WDR48: variants seen among roughly 807,000 people sequenced by gnomAD.
WDR48 encodes WD repeat-containing protein 48.
In WDR48, 22 loss-of-function variants were observed where a neutral mutation model predicts 94.0. That is an observed-to-expected ratio of 0.23 (90% CI 0.17 to 0.33). The LOEUF is 0.33. Among genes scored for constraint, WDR48 ranks in the 10% least tolerant of loss-of-function variants. WDR48 has a pLI of 1.00. For synonymous variants in WDR48, 278 were observed against 280.5 expected (o/e 0.99, Z 0.09); for missense variants, 541 against 813.8 (o/e 0.66, Z 4.08).
chr3:39,078,107 A>T, intron 9 of WDR48, 30 bp from the exon 10 acceptor site: 1 of 1,532,530 alleles, frequency 6.5e-7, no homozygotes, highest in Middle Eastern at 1.7e-4. Flanking sequence ...AGAGCATAAC[A>T]TGATCAAATA....
intron 10 of WDR48, among the ~76,000 whole-genome samples, chr3:39,078,767 T>TCA (rs75311758): frequency 1 from 150,971 of 150,986 alleles, 75,478 homozygotes; most frequent in Middle Eastern, 1. Flanking sequence ...GCGCGGTGGC[T>TCA]CGCCTGTAAT....
At chr3:39,094,126 A>G in intron 18 of WDR48, 60 bp downstream of exon 18, 2 of 1,554,072 alleles carry the variant, frequency 1.3e-6, no homozygotes, top group Non-Finnish European at 8.6e-7. Context: ...ATAAAGAGTT[A>G]CATGCCTTTG....
chr3:39,087,805 G>C, intron 14 of WDR48: 1 of 177,680 alleles, frequency 5.6e-6, no homozygotes, highest in East Asian at 1.5e-4. Flanking sequence ...AAAAACTCTA[G>C]ATCTTCGTTT....
In WDR48 at chr3:39,078,480, G is replaced by A. The variant is rs546086585; in HGVS notation, c.1075+241G>A. Among the ~76,000 whole-genome samples, 112 of 151,862 alleles carry A rather than the reference G, an allele frequency of 7.4e-4. 1 individual carries two copies. The highest frequency in any genetic ancestry group is 6.8e-3 in the Middle Eastern group (2 of 292). On this transcript the variant is annotated intron_variant, in intron 10 of 18. Transcript: ENST00000302313. ...GTCACCCAGGCTGGACTGCAGTGAC[G>A]GGATCTTGGCTCACTGCAACCCCTG...
intron 1 of WDR48, among the ~76,000 whole-genome samples, chr3:39,055,290 C>T (rs1305264091): frequency 6.6e-6 from 1 of 152,162 alleles, no homozygotes; most frequent in Non-Finnish European, 1.5e-5. Context: ...AGTTCGAGAC[C>T]AGCCTGGCCA....
chr3:39,059,273 G>A (rs561919715), intron 1 of WDR48, among the ~76,000 whole-genome samples: 3 of 152,232 alleles, frequency 2.0e-5, no homozygotes, highest in Admixed American at 6.5e-5. Context: ...GGGATTCGAG[G>A]GGTGGTGAAT....
rs2034770307 is a variant in WDR48 at position 39,085,569 on chromosome 3, A to G, written c.1433A>G (p.His478Arg). 1 of 1,612,268 alleles carries G rather than the reference A, an allele frequency of 6.2e-7. No homozygotes were observed. Among genetic ancestry groups the G allele is most frequent in the Non-Finnish European group, 8.5e-7 (1 of 1,179,526 alleles). ...QALLEYWPRT[H>R]VNPMDEEENE... ...CTCCTGGAATATTGGCCTAGAACAC[A>G]TGTGAATCCAATGGATGAAGAGGAA... Residue 478 changes from histidine to arginine, a missense_variant, in exon 14 of 19, where the codon CAT becomes CGT. Transcript: ENST00000302313.
At chr3:39,073,448 G>A (rs1171511400) in intron 7 of WDR48, among the ~76,000 whole-genome samples, 3 of 152,080 alleles carry the variant, frequency 2.0e-5, no homozygotes, top group African/African-American at 4.8e-5. Flanking sequence ...TTTTATTCCT[G>A]AAGGCCTCAT....
chr3:39,094,275 C>CT, intron 18 of WDR48: 8 of 1,429,790 alleles, frequency 5.6e-6, no homozygotes, highest in East Asian at 5.1e-5. Context: ...GTGCTGGTAG[C>CT]TTTTTTTTCT....
intron 1 of WDR48, among the ~76,000 whole-genome samples, chr3:39,056,068 A>G (rs1261436474): frequency 6.6e-6 from 1 of 152,218 alleles, no homozygotes; most frequent in East Asian, 1.9e-4. Flanking sequence ...TAATGGATGC[A>G]GATAACAAGT....
intron 10 of WDR48, among the ~76,000 whole-genome samples, chr3:39,079,167 G>C (rs2125669251): frequency 6.6e-6 from 1 of 152,252 alleles, no homozygotes; most frequent in East Asian, 1.9e-4. Flanking sequence ...ATTGTACTTA[G>C]ATATGAGGCA....
Position 39,079,711 on chromosome 3 carries a change from G to T in WDR48, c.1076G>T (p.Gly359Val). The change falls in exon 11 of 19, where the codon GGG (glycine) becomes GTG (valine). Residue 359 changes from glycine to valine, a missense_variant and splice_region_variant. Coordinates refer to ENST00000302313, the MANE Select transcript of WDR48 (RefSeq NM_020839.4). ...LCTQPDQVIK[G>V]GASIIQCHIL... ...CAATTGTGTTTTTTTTTCCCATTAG[G>T]GGGTGCTAGTATTATTCAGTGCCAC... 6.5e-7 allele frequency: 1 copy of T among 1,535,942 alleles called. No homozygotes were observed. Among genetic ancestry groups the T allele is most frequent in the South Asian group, 1.3e-5 (1 of 78,432 alleles).
chr3:39,069,583 TG>T (rs2033810502), intron 6 of WDR48, 59 bp from the exon 7 acceptor site: 1 of 1,387,538 alleles, frequency 7.2e-7, no homozygotes, highest in Non-Finnish European at 1.0e-6. Context: ...GAGAGTTGTC[TG>T]TTATTTAAAT....
chr3:39,085,361 A>G (rs2034759134), intron 13 of WDR48, among the ~76,000 whole-genome samples, 154 bp from the exon 14 acceptor site: 1 of 152,258 alleles, frequency 6.6e-6, no homozygotes, highest in Non-Finnish European at 1.5e-5. Context: ...AGAATTGGCA[A>G]AATGACTAAA....
intron 1 of WDR48, among the ~76,000 whole-genome samples, chr3:39,053,388 A>T (rs2032619763): frequency 6.6e-6 from 1 of 152,172 alleles, no homozygotes; most frequent in South Asian, 2.1e-4. Context: ...TATTGATCTC[A>T]CTGATCAGTA....
chr3:39,063,328 A>G (rs1352551150), intron 2 of WDR48, 138 bp downstream of exon 2: 2 of 1,118,952 alleles, frequency 1.8e-6, no homozygotes, highest in Non-Finnish European at 2.4e-6. Context: ...AGACATCGCA[A>G]CCAGAATTCT....
At chr3:39,079,464 G>A (rs1389041395) in intron 10 of WDR48, among the ~76,000 whole-genome samples, 1 of 152,170 alleles carries the variant, frequency 6.6e-6, no homozygotes, top group Non-Finnish European at 1.5e-5. Context: ...GACATGAAGA[G>A]CCCTTTAATC....
At chr3:39,088,325 T>C in intron 15 of WDR48, 92 bp downstream of exon 15, 1 of 1,241,450 alleles carries the variant, frequency 8.1e-7, no homozygotes, top group Non-Finnish European at 1.2e-6. Context: ...ATATTAGAAA[T>C]AGTTTATTAT....
chr3:39,093,169 A>G (rs950145285), intron 17 of WDR48, among the ~76,000 whole-genome samples: 3 of 152,150 alleles, frequency 2.0e-5, no homozygotes, highest in Non-Finnish European at 4.4e-5. Flanking sequence ...AGACTCAGGC[A>G]TTGTCTGCTC....
Sources: allele counts gnomAD v4.1 joint callset (sites outside exome capture counted in the v4.1 genomes callset), GRCh38; gene constraint gnomAD v4.1.1; transcripts MANE v1.5; gene names NCBI Gene and HGNC (gene_info 2026-07-23, HGNC 2026-07-21).